TRIM13: variants seen among roughly 807,000 people sequenced by gnomAD.
The protein encoded by TRIM13 is E3 ubiquitin-protein ligase TRIM13.
In TRIM13, 15 loss-of-function variants were observed where a neutral mutation model predicts 27.1. That is an observed-to-expected ratio of 0.55 (90% confidence interval 0.37 to 0.85). TRIM13 has a LOEUF of 0.85. Among genes scored for constraint, TRIM13 ranks in the 40% least tolerant of loss-of-function variants. The pLI, the probability that TRIM13 is intolerant of heterozygous loss-of-function variation, is 0.00. For synonymous variants in TRIM13, 193 were observed against 171.5 expected, an observed-to-expected ratio of 1.13 and a Z score of -0.98; for missense variants, 402 against 472.2, an observed-to-expected ratio of 0.85 and a Z score of 1.38.
chr13:50,010,732 A>G (rs896850730), intron 1 of TRIM13, among the ~76,000 whole-genome samples: 8 of 152,176 alleles, frequency 5.3e-5, no homozygotes, highest in Admixed American at 3.9e-4. Flanking sequence ...GATACTGTCA[A>G]TTGTTTTCTT....
chr13:50,004,656 C>T (rs1040661056), intron 1 of TRIM13, among the ~76,000 whole-genome samples: 3 of 151,590 alleles, frequency 2.0e-5, no homozygotes, highest in Non-Finnish European at 4.4e-5. Flanking sequence ...CCGAGCTACA[C>T]GGGAGGCTGA....
intron 1 of TRIM13, 85 bp downstream of exon 1, chr13:49,997,848 G>A (rs938015599): frequency 1.3e-5 from 2 of 151,706 alleles, no homozygotes; most frequent in Non-Finnish European, 2.9e-5. Flanking sequence ...AAATGGAACT[G>A]TGTGTAGAAT....
chr13:50,012,579 A>G lies in TRIM13; in HGVS notation c.639A>G (p.Gln213=). 1 of 1,614,130 alleles carries G rather than the reference A, an allele frequency of 6.2e-7. No individual in the cohort carries two copies. Among genetic ancestry groups the G allele is most frequent in the Non-Finnish European group, 8.5e-7 (1 of 1,180,016 alleles). ...AGACCATGAAACTTGCTGTTATGCA[A>G]GCATATGACCCAGAGATCAACAAAC... ...DFETMKLAVM[Q]AYDPEINKLN... The change falls in exon 2 of 2, where the codon CAA becomes CAG. Residue 213 remains glutamine, a synonymous_variant. Coordinates refer to ENST00000378182, the MANE Select transcript of TRIM13 (RefSeq NM_213590.3).
At chr13:50,008,498 C>T (rs567846943) in intron 1 of TRIM13, among the ~76,000 whole-genome samples, 22 of 151,124 alleles carry the variant, frequency 1.5e-4, no homozygotes, top group South Asian at 6.3e-4. Flanking sequence ...AGTAGCCAGG[C>T]GTGGTGGTGC....
chr13:50,012,391 A>G lies in TRIM13; in HGVS notation c.451A>G (p.Thr151Ala). The G allele has an allele frequency of 6.2e-7, 1 of 1,614,106 alleles. No individual in the cohort carries two copies. The highest frequency in any genetic ancestry group is 1.1e-5 in the South Asian group (1 of 91,088). Residue 151 changes from threonine (T) to alanine (A), a missense_variant, in exon 2 of 2, where the codon ACC (threonine) becomes GCC (alanine). By Grantham distance (58) the Thr-to-Ala change is moderately conservative. Around this residue, in one of 2 missense-constraint regions of TRIM13, gnomAD observed 202 missense variants for 277.5 expected, o/e 0.73. Transcript: ENST00000378182. ...AFESLFQSFE[T>A]WRRGDALSRL... ...TGAGTCCCTCTTCCAGAGCTTTGAG[A>G]CCTGGCGTCGGGGAGATGCTCTTTC... is the stretch of plus-strand genomic sequence containing the variant.
intron 1 of TRIM13, among the ~76,000 whole-genome samples, chr13:50,006,784 AC>A (rs1263771993): frequency 3.3e-5 from 5 of 152,064 alleles, no homozygotes; most frequent in African/African-American, 7.3e-5. Flanking sequence ...AGCTAATTAC[AC>A]CTTTTTTTGC....
chr13:50,012,106 A>T lies in TRIM13; in HGVS notation c.166A>T (p.Thr56Ser). The T allele has an allele frequency of 5.0e-6, 8 of 1,614,194 alleles. No homozygotes were observed. The highest frequency in any genetic ancestry group is 6.8e-6 in the Non-Finnish European group (8 of 1,180,012). The change falls in exon 2 of 2, where the codon ACA (threonine) becomes TCA (serine). Residue 56 changes from threonine (T) to serine (S), a missense_variant. Thr to Ser is a moderately conservative substitution (Grantham distance 58). Coordinates refer to ENST00000378182, the MANE Select transcript of TRIM13 (RefSeq NM_213590.3). ...GAGACCAGCTCCATTCAAGTGTCCT[A>T]CATGCCGTAAGGAAACTTCAGCTAC... ...LWRPAPFKCP[T>S]CRKETSATGI...
chr13:50,016,740 T>TC lies in TRIM13; in HGVS notation c.*3582dup, dbSNP rs572358276. On this transcript the variant is annotated 3_prime_UTR_variant, in exon 2 of 2. Coordinates refer to ENST00000378182, the MANE Select transcript of TRIM13 (RefSeq NM_213590.3). ...TCCACTCTGCTGTCACAAACATTTT[T>TC]CCCCCCGTAAAATGTCTTAATGCTG... 1 of 166,950 alleles carries TC rather than the reference T, an allele frequency of 6.0e-6. No homozygotes were observed. Among genetic ancestry groups the TC allele is most frequent in the Non-Finnish European group, 1.5e-5 (1 of 68,088 alleles). The allele number at this position is 166,950 out of a possible 1,614,324, so 10.3% of individuals were successfully genotyped here. A position where few individuals can be genotyped will look rare whatever the true frequency, so the allele number is the denominator to read the frequency against.
chr13:50,004,685 G>A (rs933545023), intron 1 of TRIM13, among the ~76,000 whole-genome samples: 1 of 151,900 alleles, frequency 6.6e-6, no homozygotes, highest in Non-Finnish European at 1.5e-5. Flanking sequence ...AATTGCTTGA[G>A]CCTAGGAGGC....
intron 1 of TRIM13, among the ~76,000 whole-genome samples, chr13:50,007,089 A>G (rs779114038): frequency 6.6e-6 from 1 of 151,980 alleles, no homozygotes; most frequent in Non-Finnish European, 1.5e-5. Flanking sequence ...AGGCTGAGGC[A>G]GAGGAACCGC....
At chr13:50,007,586 G>C (rs1874935607) in intron 1 of TRIM13, among the ~76,000 whole-genome samples, 1 of 150,024 alleles carries the variant, frequency 6.7e-6, no homozygotes, top group Non-Finnish European at 1.5e-5. Flanking sequence ...TTTGAGACCA[G>C]CTTGGCCAAC....
At chr13:50,010,937 G>A (rs552711468) in intron 1 of TRIM13, among the ~76,000 whole-genome samples, 17 of 152,242 alleles carry the variant, frequency 1.1e-4, no homozygotes, top group Admixed American at 3.3e-4. Flanking sequence ...TGCTTTGTGC[G>A]TACTGCCTAT....
At position 50,011,969 on chromosome 13, in the gene TRIM13, G is replaced by A. The variant is rs773152391; in HGVS notation, c.29G>A (p.Cys10Tyr). 1.2e-6 allele frequency: 2 copies of A among 1,612,662 alleles called. No individual in the cohort carries two copies. The highest frequency in any genetic ancestry group is 1.7e-6 in the Non-Finnish European group (2 of 1,179,418). The change falls in exon 2 of 2, where the codon TGC becomes TAC. Residue 10 changes from cysteine (C) to tyrosine (Y), a missense_variant. This residue lies in a region of TRIM13 where 202 missense variants were observed against 277.5 expected (regional missense o/e 0.73). Transcript: ENST00000378182. MELLEEDLT[C>Y]PICCSLFDDP... ...GAGCTGCTTGAAGAAGATCTCACAT[G>A]CCCTATTTGTTGTAGTCTGTTTGAT...
chr13:50,000,947 A>G (rs2138341999), intron 1 of TRIM13: 1 of 152,310 alleles, frequency 6.6e-6, no homozygotes, highest in South Asian at 2.1e-4. Flanking sequence ...CAGATCTCTG[A>G]AACTTACTTT....
chr13:50,012,077 TG>T lies in TRIM13; in HGVS notation c.138del (p.Leu46PhefsTer30). 1.2e-6 allele frequency: 2 copies of T among 1,614,138 alleles called. No homozygotes were observed. Among genetic ancestry groups the T allele is most frequent in the South Asian group, 2.2e-5 (2 of 91,082 alleles). On this transcript the variant is annotated frameshift_variant, in exon 2 of 2. Transcript: ENST00000378182. LOFTEE classifies it high-confidence loss of function. ...TTAGAAGGGAGTGTGCGGAATTCCT[TG>T]TGGAGACCAGCTCCATTCAAGTGTC... ...GILEGSVRNS[L>X]WRPAPFKCPT...
In TRIM13 at chr13:49,997,524, A is replaced by C. The variant is rs561436384; in HGVS notation, c.-246A>C. The C allele has an allele frequency of 6.6e-6, 1 of 152,204 alleles. No individual in the cohort carries two copies. The highest frequency in any genetic ancestry group is 1.5e-5 in the Non-Finnish European group (1 of 68,076). The allele number at this position is 152,204 out of a possible 1,614,324, so 9.4% of individuals were successfully genotyped here. A position where few individuals can be genotyped will look rare whatever the true frequency, so the allele number is the denominator to read the frequency against. On this transcript the variant is annotated 5_prime_UTR_variant, in exon 1 of 2. Coordinates refer to ENST00000378182, the MANE Select transcript of TRIM13 (RefSeq NM_213590.3). Reference sequence around the variant, plus strand: ...CCCTAACCGAGAAGCTGCTTAATACAAAGAGCTCCAGGCTCCTGGCGGTTC... The same window carrying C: ...CCCTAACCGAGAAGCTGCTTAATACCAAGAGCTCCAGGCTCCTGGCGGTTC...
chr13:50,000,172 A>G (rs1176842225), intron 1 of TRIM13, among the ~76,000 whole-genome samples: 1 of 152,142 alleles, frequency 6.6e-6, no homozygotes, highest in Non-Finnish European at 1.5e-5. Context: ...TATGGTAACA[A>G]GTGTGTCTTA....
chr13:50,018,292 T>C lies in TRIM13; in HGVS notation c.*5128T>C, dbSNP rs1374427134. 1.2e-5 allele frequency: 2 copies of C among 166,930 alleles called. No individual in the cohort carries two copies. Among genetic ancestry groups the C allele is most frequent in the Non-Finnish European group, 2.9e-5 (2 of 68,112 alleles). 10.3% of individuals were successfully genotyped at this position (166,930 alleles called of 1,614,324 possible). A position where few individuals can be genotyped will look rare whatever the true frequency, so the allele number is the denominator to read the frequency against. ...CGTTCCACTTTGTTACAATCTACTATCTGTATATACTATTTGTATCTTAAT... is the reference window on the plus strand; with the variant it reads ...CGTTCCACTTTGTTACAATCTACTACCTGTATATACTATTTGTATCTTAAT... On this transcript the variant is annotated 3_prime_UTR_variant, in exon 2 of 2. Transcript: ENST00000378182.
Position 50,015,482 on chromosome 13 carries a change from A to G in TRIM13, c.*2318A>G. On this transcript the variant is annotated 3_prime_UTR_variant, in exon 2 of 2. Coordinates refer to ENST00000378182, the MANE Select transcript of TRIM13 (RefSeq NM_213590.3). ...TGGCTGATGGTAGCCTCTAGTTTGA[A>G]GTGAGGGAAGAATGAGTAGTCAGGA... 1 of 1,582,578 alleles carries G rather than the reference A, an allele frequency of 6.3e-7. No individual in the cohort carries two copies. Among genetic ancestry groups the G allele is most frequent in the Non-Finnish European group, 8.6e-7 (1 of 1,158,220 alleles).
Sources: allele counts gnomAD v4.1 joint callset (sites outside exome capture counted in the v4.1 genomes callset), GRCh38; gene constraint gnomAD v4.1.1; regional missense constraint gnomAD v4.1.1; transcripts MANE v1.5; gene names NCBI Gene and HGNC (gene_info 2026-07-23, HGNC 2026-07-21).